CELF4: variants seen among roughly 807,000 people sequenced by gnomAD.
CELF4 encodes the protein CUGBP Elav-like family member 4.
A neutral mutation model predicts 59.9 loss-of-function variants in CELF4; 18 were observed. The ratio of observed to expected loss-of-function variants is 0.30; its 90% CI spans 0.21 to 0.45. CELF4 has a LOEUF of 0.45. Among genes scored for constraint, CELF4 ranks in the 20% least tolerant of loss-of-function variants. CELF4 has a pLI of 1.00. For synonymous variants in CELF4, 261 were observed against 267.1 expected (o/e 0.98, Z 0.22); for missense variants, 456 against 689.0 (o/e 0.66, Z 3.79).
At chr18:37,274,731 C>G in intron 5 of CELF4, 74 bp downstream of exon 5, 1 of 1,524,008 alleles carries the variant, frequency 6.6e-7, no homozygotes, top group Non-Finnish European at 8.8e-7. Flanking sequence ...ACTGGACAGC[C>G]GGCGGGGCGT....
intron 2 of CELF4, among the ~76,000 whole-genome samples, chr18:37,482,250 T>C (rs534848842): frequency 6.6e-6 from 1 of 152,246 alleles, no homozygotes; most frequent in South Asian, 2.1e-4. Flanking sequence ...TGCCCCATGT[T>C]GACTGTCCCC....
Position 37,470,220 on chromosome 18 carries a change from C to T in CELF4, c.369+15305G>A, listed in dbSNP as rs189827346. 3.9e-5 allele frequency among the ~76,000 whole-genome samples: 6 copies of T among 151,982 alleles called. No homozygotes were observed. In the East Asian group the frequency reaches 7.8e-4, roughly 20 times the overall value. The stretch of plus-strand genomic sequence containing the variant: ...TTGATTGGCAAATAAGCAGTGTAGA[C>T]GAAGTTCTATGTGCAGGAATATGTT... On this transcript the variant is annotated intron_variant, in intron 2 of 12. Transcript: ENST00000420428.
chr18:37,536,683 T>C (rs1233402206), intron 1 of CELF4, among the ~76,000 whole-genome samples: 2 of 152,132 alleles, frequency 1.3e-5, no homozygotes, highest in Non-Finnish European at 2.9e-5. Context: ...GGAGGAGCCC[T>C]GGCCCCAGTC....
intron 2 of CELF4, among the ~76,000 whole-genome samples, chr18:37,466,813 G>C (rs1282735000): frequency 6.6e-6 from 1 of 152,166 alleles, no homozygotes; most frequent in Admixed American, 6.5e-5. Flanking sequence ...ATTGGGGAAG[G>C]CTCCCTGGAG....
At chr18:37,490,905 A>G (rs1391734758) in intron 1 of CELF4, among the ~76,000 whole-genome samples, 1 of 151,980 alleles carries the variant, frequency 6.6e-6, no homozygotes, top group African/African-American at 2.4e-5. Context: ...CTCATAATGG[A>G]GTCTACCACC....
chr18:37,334,005 G>A (rs1404333845), intron 2 of CELF4, among the ~76,000 whole-genome samples: 1 of 152,088 alleles, frequency 6.6e-6, no homozygotes, highest in Non-Finnish European at 1.5e-5. Flanking sequence ...TTGATTCCCT[G>A]AATGCCCAGC....
At chr18:37,484,291 G>T (rs945345323) in intron 2 of CELF4, among the ~76,000 whole-genome samples, 1 of 152,168 alleles carries the variant, frequency 6.6e-6, no homozygotes, top group Admixed American at 6.5e-5. Context: ...CATAACATGG[G>T]GCGATGTGAG....
intron 2 of CELF4, among the ~76,000 whole-genome samples, chr18:37,366,593 G>T (rs1204426137): frequency 1.3e-5 from 2 of 152,174 alleles, no homozygotes; most frequent in Non-Finnish European, 2.9e-5. Flanking sequence ...CTGAGGCTTG[G>T]TTCCCATGGA....
chr18:37,315,662 A>G (rs1180078541), intron 3 of CELF4, among the ~76,000 whole-genome samples: 3 of 152,188 alleles, frequency 2.0e-5, no homozygotes, highest in Admixed American at 6.5e-5. Flanking sequence ...GGTCACTGAC[A>G]GAGGCACTGC....
chr18:37,399,409 G>T (rs1178709852), intron 2 of CELF4, among the ~76,000 whole-genome samples: 3 of 152,148 alleles, frequency 2.0e-5, no homozygotes, highest in African/African-American at 7.2e-5. Flanking sequence ...CTCAACAGAT[G>T]CTGGCTCCAT....
chr18:37,335,898 C>T (rs1569565918), intron 2 of CELF4, among the ~76,000 whole-genome samples: 1 of 152,206 alleles, frequency 6.6e-6, no homozygotes, highest in South Asian at 2.1e-4. Flanking sequence ...GCCTGACACC[C>T]GCAGCCTGCT....
intron 2 of CELF4, among the ~76,000 whole-genome samples, chr18:37,427,627 C>T (rs1398428249): frequency 1.3e-5 from 2 of 152,130 alleles, no homozygotes; most frequent in Admixed American, 1.3e-4. Flanking sequence ...CCTGCAGGTT[C>T]CCCAGCTACA....
At chr18:37,377,572 G>T (rs2154567815) in intron 2 of CELF4, among the ~76,000 whole-genome samples, 1 of 152,274 alleles carries the variant, frequency 6.6e-6, no homozygotes, top group East Asian at 1.9e-4. Flanking sequence ...TGAGAGGGAA[G>T]CTGGGAACAC....
At chr18:37,378,796 G>T (rs571445284) in intron 2 of CELF4, among the ~76,000 whole-genome samples, 6 of 152,226 alleles carry the variant, frequency 3.9e-5, no homozygotes, top group Admixed American at 1.3e-4. Context: ...TAGCTGTGGG[G>T]GTGCACTGCC....
chr18:37,315,334 C>A (rs568387386), intron 3 of CELF4, among the ~76,000 whole-genome samples: 9 of 152,204 alleles, frequency 5.9e-5, no homozygotes, highest in South Asian at 4.1e-4. Context: ...TGAGCACGGG[C>A]AGGTGGCAGC....
At chr18:37,509,709 A>G (rs1043856386) in intron 1 of CELF4, among the ~76,000 whole-genome samples, 6 of 152,252 alleles carry the variant, frequency 3.9e-5, no homozygotes, top group Non-Finnish European at 8.8e-5. Flanking sequence ...ATACTTGTAC[A>G]TGCATGTTCT....
At chr18:37,392,919 G>A (rs1233533342) in intron 2 of CELF4, among the ~76,000 whole-genome samples, 4 of 152,216 alleles carry the variant, frequency 2.6e-5, no homozygotes, top group Non-Finnish European at 5.9e-5. Context: ...TTTATCGGTA[G>A]ATTATCTCCC....
intron 6 of CELF4, 60 bp downstream of exon 6, chr18:37,274,251 T>A: frequency 6.3e-7 from 1 of 1,592,322 alleles, no homozygotes; most frequent in South Asian, 1.1e-5. Context: ...CATGTCCCGC[T>A]CTCTGAGGCT....
At chr18:37,497,849 T>C (rs2099926958) in intron 1 of CELF4, among the ~76,000 whole-genome samples, 1 of 152,158 alleles carries the variant, frequency 6.6e-6, no homozygotes, top group Non-Finnish European at 1.5e-5. Flanking sequence ...TTTCGACTCA[T>C]TTAATGTAAG....
Sources: gnomAD v4.1 joint callset for allele counts (sites outside exome capture counted in the v4.1 genomes callset) on GRCh38, gnomAD v4.1.1 for gene constraint, MANE v1.5 for transcripts, NCBI Gene and HGNC (gene_info 2026-07-23, HGNC 2026-07-21) for gene names.